Variants in ABI1 observed in about 807,000 individuals in gnomAD.
The protein encoded by ABI1 is Abelson interactor 1.
ABI1 carries 14 observed loss-of-function variants against 54.6 expected under a neutral mutation model. The ratio of observed to expected loss-of-function variants is 0.26; its 90% CI spans 0.17 to 0.40. ABI1 has a LOEUF of 0.40. Among genes scored for constraint, ABI1 ranks in the 10% least tolerant of loss-of-function variants. The pLI is 1.00. For missense variants in ABI1, 443 were observed against 598.3 expected (o/e 0.74, Z 2.71); for synonymous variants, 194 against 209.3 (o/e 0.93, Z 0.63).
chr10:26,839,780 G>C (rs1329631203), intron 1 of ABI1: 1 of 701,088 alleles, frequency 1.4e-6, no homozygotes, highest in Non-Finnish European at 2.6e-6. Flanking sequence ...GCAAAACCAT[G>C]TCTCTACAGA....
At chr10:26,802,742 C>CCTGGAGGAGGCAGTACCTGTGTCCGG (rs1165573884) in intron 2 of ABI1, among the ~76,000 whole-genome samples, 16 of 152,232 alleles carry the variant, frequency 1.1e-4, no homozygotes, top group African/African-American at 3.9e-4. Flanking sequence ...GAGAAGACCA[C>CCTGGAGGAGGCAGTACCTGTGTCCGG]CTGGAGGAGG....
chr10:26,839,921 T>C (rs1022282014), intron 1 of ABI1: 1 of 591,576 alleles, frequency 1.7e-6, no homozygotes, highest in Non-Finnish European at 3.0e-6. Flanking sequence ...ACCCAGGACT[T>C]TGGGACCACA....
At chr10:26,852,824 C>T (rs1216896499) in intron 1 of ABI1, among the ~76,000 whole-genome samples, 3 of 152,098 alleles carry the variant, frequency 2.0e-5, no homozygotes, top group East Asian at 3.9e-4. Context: ...CCCAACACTT[C>T]GGGAGGCCAA....
At chr10:26,811,501 T>A (rs1043381957) in intron 2 of ABI1, among the ~76,000 whole-genome samples, 9 of 152,158 alleles carry the variant, frequency 5.9e-5, no homozygotes, top group African/African-American at 2.2e-4. Context: ...TTACTATTGG[T>A]CCTCAATATT....
At chr10:26,852,986 G>A (rs2050517774) in intron 1 of ABI1, among the ~76,000 whole-genome samples, 1 of 152,110 alleles carries the variant, frequency 6.6e-6, no homozygotes, top group Admixed American at 6.6e-5. Flanking sequence ...AACTATGTCT[G>A]AGAAAGTTTT....
intron 7 of ABI1, among the ~76,000 whole-genome samples, chr10:26,761,655 T>TAC (rs1266862257): frequency 8.9e-6 from 1 of 112,134 alleles, no homozygotes; most frequent in Admixed American, 8.9e-5. Context: ...TATATATATA[T>TAC]ATATATACAC....
At chr10:26,815,881 A>T (rs2047532247) in intron 2 of ABI1, among the ~76,000 whole-genome samples, 1 of 152,238 alleles carries the variant, frequency 6.6e-6, no homozygotes, top group Admixed American at 6.5e-5. Context: ...ACTGCACTCC[A>T]GCCTGAGCAA....
At chr10:26,825,973 C>T (rs2133838154) in intron 1 of ABI1, among the ~76,000 whole-genome samples, 1 of 152,322 alleles carries the variant, frequency 6.6e-6, no homozygotes, top group Middle Eastern at 3.4e-3. Context: ...TTGAACCCCT[C>T]AGCATCATCC....
chr10:26,763,426 C>T (rs1407797022), intron 7 of ABI1, among the ~76,000 whole-genome samples: 1 of 152,118 alleles, frequency 6.6e-6, no homozygotes, highest in African/African-American at 2.4e-5. Flanking sequence ...AAAACTGGGC[C>T]ATATCAGAGT....
intron 2 of ABI1, among the ~76,000 whole-genome samples, chr10:26,785,930 G>A (rs1432926050): frequency 6.6e-6 from 1 of 152,038 alleles, no homozygotes; most frequent in Non-Finnish European, 1.5e-5. Context: ...TGGCAAACTG[G>A]CACAAATGCT....
At chr10:26,755,562 A>AT in intron 9 of ABI1, 93 bp downstream of exon 9, 1 of 996,634 alleles carries the variant, frequency 1.0e-6, no homozygotes, top group South Asian at 1.5e-5. Context: ...TAGCTTCTCA[A>AT]TAAAAGTAAG....
chr10:26,820,651 G>GAT (rs2047912109), intron 2 of ABI1, among the ~76,000 whole-genome samples: 1 of 149,988 alleles, frequency 6.7e-6, no homozygotes, highest in African/African-American at 2.5e-5. Context: ...ACAGTGGCGC[G>GAT]ATCTCGGCTC....
Position 26,765,325 on chromosome 10 carries a change from A to AT in ABI1, c.720-8_720-7insA. 1.9e-6 allele frequency: 3 copies of AT among 1,568,976 alleles called. No individual in the cohort carries two copies. Among genetic ancestry groups the AT allele is most frequent in the Non-Finnish European group, 1.7e-6 (2 of 1,162,724 alleles). ...ACTTCCTCCACTACTTCCACTGAAA[A>AT]GAAAAAAAAAAACTGTGAAAAACCA... On this transcript the variant is annotated splice_polypyrimidine_tract_variant and splice_region_variant and intron_variant, in intron 6 of 10. Coordinates refer to ENST00000376140, the MANE Select transcript of ABI1 (RefSeq NM_001012750.3).
intron 2 of ABI1, among the ~76,000 whole-genome samples, chr10:26,815,091 T>TA (rs1287732915): frequency 1.3e-5 from 2 of 151,724 alleles, no homozygotes; most frequent in Non-Finnish European, 2.9e-5. Context: ...CTGAGAGATT[T>TA]AAAAAAAAAT....
rs1214069576 is a variant in ABI1 at position 26,841,227 on chromosome 10, A to G, written c.118-17922T>C. 2.6e-5 allele frequency among the ~76,000 whole-genome samples: 4 copies of G among 152,162 alleles called. No individual in the cohort carries two copies. The East Asian group carries it at 5.8e-4, about 22-fold the overall frequency. ...TCAACTCTAGGTGGACATCAGCACT[A>G]CCTGGTGAGCTTTTATTCTTTTTAT... On this transcript the variant is annotated intron_variant, in intron 1 of 10. Transcript: ENST00000376140.
rs374571726 is a variant in ABI1, at chr10:26,850,378, G to A, written c.117+10369C>T. On this transcript the variant is annotated intron_variant, in intron 1 of 10. Coordinates refer to ENST00000376140, the MANE Select transcript of ABI1 (RefSeq NM_001012750.3). ...TAGAACCCGCCTAAAAAACGTTCTC[G>A]GCCAGGTGTGGTGGCTCACGCCTGT... Among the ~76,000 whole-genome samples, 182 of 152,180 alleles carry A rather than the reference G, an allele frequency of 1.2e-3. 1 individual carries two copies. In the South Asian group the frequency reaches 0.015, roughly 13 times the overall value.
chr10:26,780,280 G>A (rs1219447874), intron 2 of ABI1, among the ~76,000 whole-genome samples: 1 of 152,192 alleles, frequency 6.6e-6, no homozygotes, highest in Admixed American at 6.5e-5. Flanking sequence ...AGGCTGGAGT[G>A]CAGTGGAACA....
intron 2 of ABI1, among the ~76,000 whole-genome samples, 197 bp from the exon 3 acceptor site, chr10:26,777,438 G>T (rs1841551013): frequency 6.6e-6 from 1 of 152,154 alleles, no homozygotes; most frequent in Non-Finnish European, 1.5e-5. Flanking sequence ...TAATGTAATG[G>T]ATTTGATTCT....
chr10:26,831,800 G>A (rs1378512878), intron 1 of ABI1, among the ~76,000 whole-genome samples: 1 of 152,134 alleles, frequency 6.6e-6, no homozygotes, highest in Non-Finnish European at 1.5e-5. Context: ...TGAACATTGT[G>A]TCAAGAATAC....
Sources: allele counts gnomAD v4.1 joint callset (sites outside exome capture counted in the v4.1 genomes callset), GRCh38; gene constraint gnomAD v4.1.1; transcripts MANE v1.5; gene names NCBI Gene and HGNC (gene_info 2026-07-23, HGNC 2026-07-21).